ZFYVE28: variants seen among roughly 807,000 people sequenced by gnomAD.
ZFYVE28 encodes lateral signaling target protein 2 homolog.
A neutral mutation model predicts 82.1 loss-of-function variants in ZFYVE28; 40 were observed. The ratio of observed to expected loss-of-function variants is 0.49; its 90% CI spans 0.38 to 0.63. The LOEUF (loss-of-function observed/expected upper bound fraction) is 0.63, where lower values mean the gene tolerates loss of function less well. Among genes scored for constraint, ZFYVE28 ranks in the 30% least tolerant of loss-of-function variants. ZFYVE28 has a pLI of 0.00. For missense variants in ZFYVE28, 1,321 were observed against 1,242.1 expected (o/e 1.06, Z -0.96); for synonymous variants, 612 against 546.1 (o/e 1.12, Z -1.68).
chr4:2,310,550 T>C (rs1481024835), intron 7 of ZFYVE28, among the ~76,000 whole-genome samples: 12 of 152,200 alleles, frequency 7.9e-5, no homozygotes, highest in African/African-American at 2.9e-4. Flanking sequence ...ATGCCTGTAA[T>C]CACAGCATTT....
In ZFYVE28 at chr4:2,339,325, G is replaced by A. The variant is rs1722372248; in HGVS notation, c.521+128C>T. 5 of 1,062,522 alleles carry A rather than the reference G, an allele frequency of 4.7e-6. No individual in the cohort carries two copies. In the South Asian group the frequency reaches 6.3e-5, roughly 13 times the overall value. The allele number at this position is 1,062,522 out of a possible 1,614,324, so 65.8% of individuals were successfully genotyped here. A position where few individuals can be genotyped will look rare whatever the true frequency, so the allele number is the denominator to read the frequency against. On this transcript the variant is annotated intron_variant, in intron 4 of 12. Coordinates refer to ENST00000290974, the MANE Select transcript of ZFYVE28 (RefSeq NM_020972.3). This position sits in a 1 kb window ranked among gnomAD's most constrained non-coding sequence, Gnocchi z 5.0. ...CAGGGCTTAACCCCACCCACAGGCG[G>A]CCCTGAACCTGCCTGGCTCCTCCCT...
chr4:2,314,304 C>T (rs1172453019), intron 7 of ZFYVE28, among the ~76,000 whole-genome samples: 2 of 152,222 alleles, frequency 1.3e-5, no homozygotes, highest in African/African-American at 2.4e-5. Context: ...CTGGGTCTCT[C>T]GTCAGCCAAG....
intron 1 of ZFYVE28, among the ~76,000 whole-genome samples, chr4:2,404,302 T>A (rs1578404899): frequency 9.8e-5 from 2 of 20,504 alleles, no homozygotes; most frequent in Non-Finnish European, 9.7e-5. Flanking sequence ...GGAGCGAGAC[T>A]CCGCCTCAAA....
chr4:2,278,217 CTCT>C (rs1195033564), intron 8 of ZFYVE28, among the ~76,000 whole-genome samples: 1 of 149,208 alleles, frequency 6.7e-6, no homozygotes, highest in Non-Finnish European at 1.5e-5. Context: ...CAAAGATTCT[CTCT>C]TTTTTTTTTT....
rs185818029 is a variant in ZFYVE28, at chr4:2,312,510, C to T, written c.804-6974G>A. On this transcript the variant is annotated intron_variant, in intron 7 of 12. Transcript: ENST00000290974. ...TTGGGAGGCCGAGGCAGGTGGATCA[C>T]GAGGTCAGGAGATTGAGACCATCCC... 1.4e-4 allele frequency among the ~76,000 whole-genome samples: 22 copies of T among 152,114 alleles called. No homozygotes were observed. In the East Asian group the frequency reaches 1.5e-3, roughly 11 times the overall value.
intron 1 of ZFYVE28, among the ~76,000 whole-genome samples, chr4:2,367,758 G>T (rs112191988): frequency 5.9e-4 from 90 of 152,294 alleles, no homozygotes; most frequent in African/African-American, 1.9e-3. Flanking sequence ...CACACTCCTG[G>T]GCACACTGGA....
chr4:2,277,013 C>A (rs892229390), intron 8 of ZFYVE28, among the ~76,000 whole-genome samples: 2 of 151,854 alleles, frequency 1.3e-5, no homozygotes, highest in Non-Finnish European at 1.5e-5. Flanking sequence ...AGAATTGGGG[C>A]AGGGAGAGAG....
At chr4:2,366,143 G>A (rs575445136) in intron 1 of ZFYVE28, among the ~76,000 whole-genome samples, 9 of 152,332 alleles carry the variant, frequency 5.9e-5, no homozygotes, top group African/African-American at 1.4e-4. Context: ...GGGGGAGTGC[G>A]ACGCAGAATT....
In ZFYVE28 at chr4:2,341,395, G is replaced by A; in HGVS notation, c.318+83C>T. ...GAGACACCAGGTCCCGGCACCTGCA[G>A]GCGCCCATGCACAAGGTTCGCAGGG... On this transcript the variant is annotated intron_variant, in intron 3 of 12. Transcript: ENST00000290974. This position sits in a 1 kb window ranked among gnomAD's most constrained non-coding sequence, Gnocchi z 4.5. The A allele has an allele frequency of 6.4e-7, 1 of 1,554,586 alleles. No individual in the cohort carries two copies. The highest frequency in any genetic ancestry group is 8.7e-7 in the Non-Finnish European group (1 of 1,146,742).
At chr4:2,382,105 C>A (rs1728783174) in intron 1 of ZFYVE28, among the ~76,000 whole-genome samples, 1 of 152,234 alleles carries the variant, frequency 6.6e-6, no homozygotes, top group South Asian at 2.1e-4. Flanking sequence ...GGAACCTCCA[C>A]TAGATTTCAG....
chr4:2,372,536 A>G lies in ZFYVE28; in HGVS notation c.40-18463T>C, dbSNP rs889243705. On this transcript the variant is annotated intron_variant, in intron 1 of 12. Transcript: ENST00000290974. The surrounding 1 kb of genome is among the most constrained non-coding windows in gnomAD (Gnocchi z 5.2). ...CTCCTAGCCCCTCCAGCACGGCACC[A>G]TGCCCTATCACCCCATCATGTGGGA... Among the ~76,000 whole-genome samples, 1 of 151,978 alleles carries G rather than the reference A, an allele frequency of 6.6e-6. No homozygotes were observed. The highest frequency in any genetic ancestry group is 1.5e-5 in the Non-Finnish European group (1 of 67,982).
intron 2 of ZFYVE28, among the ~76,000 whole-genome samples, chr4:2,346,557 G>A (rs1386614939): frequency 2.0e-5 from 3 of 152,082 alleles, no homozygotes; most frequent in Non-Finnish European, 4.4e-5. Context: ...ACAACATAGT[G>A]TGAGTCTGTA....
intron 1 of ZFYVE28, among the ~76,000 whole-genome samples, chr4:2,386,971 A>G (rs1299364585): frequency 6.6e-6 from 1 of 152,234 alleles, no homozygotes; most frequent in Admixed American, 6.5e-5. Flanking sequence ...GCAGTCAGGT[A>G]GCACGGGCAG....
At chr4:2,377,464 G>A (rs899333722) in intron 1 of ZFYVE28, among the ~76,000 whole-genome samples, 6 of 152,022 alleles carry the variant, frequency 3.9e-5, no homozygotes, top group Admixed American at 3.9e-4. Flanking sequence ...CCCTTTTCTT[G>A]CTGATGTACA....
chr4:2,279,783 A>G (rs1711710684), intron 8 of ZFYVE28, among the ~76,000 whole-genome samples: 1 of 152,134 alleles, frequency 6.6e-6, no homozygotes, highest in Non-Finnish European at 1.5e-5. Flanking sequence ...CCTTCAAAAA[A>G]AAAAAAAAAA....
Position 2,362,820 on chromosome 4 carries a change from G to C in ZFYVE28, c.40-8747C>G, listed in dbSNP as rs985129018. Among the ~76,000 whole-genome samples the C allele has an allele frequency of 1.3e-5, 2 of 152,122 alleles. No individual in the cohort carries two copies. Among genetic ancestry groups the C allele is most frequent in the African/African-American group, 4.8e-5 (2 of 41,450 alleles). ...CCTCTGGGGTCAGGGAGCTGCAGTG[G>C]GCACGCTGGGTCAGCAGGAGGCCTG... On this transcript the variant is annotated intron_variant, in intron 1 of 12. Coordinates refer to ENST00000290974, the MANE Select transcript of ZFYVE28 (RefSeq NM_020972.3). The surrounding 1 kb of genome is among the most constrained non-coding windows in gnomAD (Gnocchi z 5.1).
intron 1 of ZFYVE28, among the ~76,000 whole-genome samples, chr4:2,413,020 G>A (rs1489452921): frequency 2.0e-5 from 3 of 152,080 alleles, no homozygotes; most frequent in Middle Eastern, 3.2e-3. Context: ...TCCAGTAAGC[G>A]CCCAGCCCTG....
chr4:2,299,630 G>C, intron 8 of ZFYVE28, among the ~76,000 whole-genome samples: 1 of 92 alleles, frequency 0.011, no homozygotes, highest in Non-Finnish European at 0.025. Flanking sequence ...GAGAAGGAAG[G>C]GAAGGGAAGG....
Position 2,341,510 on chromosome 4 carries a change from T to G in ZFYVE28, c.286A>C (p.Asn96His). 6.2e-7 allele frequency: 1 copy of G among 1,613,130 alleles called. No homozygotes were observed. The highest frequency in any genetic ancestry group is 8.5e-7 in the Non-Finnish European group (1 of 1,179,606). ...VKFPEEIRHDNLAGQLWFGAE... is the reference protein window; with the variant it reads ...VKFPEEIRHDHLAGQLWFGAE... ...CCGAACCACAGCTGGCCGGCCAGGT[T>G]GTCGTGCCGGATCTCCTCAGGGAAC... The change falls in exon 3 of 13, where the codon AAC (asparagine) becomes CAC (histidine). Residue 96 changes from asparagine to histidine, a missense_variant. Physicochemically the swap from Asn to His is moderately conservative, Grantham distance 68 (BLOSUM62 1). Coordinates refer to ENST00000290974, the MANE Select transcript of ZFYVE28 (RefSeq NM_020972.3). This position sits in a 1 kb window ranked among gnomAD's most constrained non-coding sequence, Gnocchi z 4.5.
Sources: gnomAD v4.1 joint callset for allele counts (sites outside exome capture counted in the v4.1 genomes callset) on GRCh38, gnomAD v4.1.1 for gene constraint, Gnocchi (gnomAD v3.1) non-coding constraint, MANE v1.5 for transcripts, NCBI Gene and HGNC (gene_info 2026-07-23, HGNC 2026-07-21) for gene names.